SPAG17: variants seen among roughly 807,000 people sequenced by gnomAD.
SPAG17 encodes the protein sperm-associated antigen 17.
Under a neutral mutation model 273.6 loss-of-function variants are expected in SPAG17, and 169 were observed. That is an observed-to-expected ratio of 0.62 (90% CI 0.55 to 0.70). The LOEUF is 0.70. Among genes scored for constraint, SPAG17 ranks in the 30% least tolerant of loss-of-function variants. The pLI is 0.00. For synonymous variants in SPAG17, 825 were observed against 873.2 expected, an observed-to-expected ratio of 0.94 and a Z score of 0.97; for missense variants, 2,557 against 2,627.8, an observed-to-expected ratio of 0.97 and a Z score of 0.59.
chr1:118,077,014 C>G (rs1484263938), intron 15 of SPAG17, among the ~76,000 whole-genome samples: 1 of 152,106 alleles, frequency 6.6e-6, no homozygotes, highest in African/African-American at 2.4e-5. Flanking sequence ...AAAATAGTCT[C>G]AGATGGAAAT....
chr1:118,162,952 A>T (rs1190530321), intron 1 of SPAG17, among the ~76,000 whole-genome samples: 4 of 152,214 alleles, frequency 2.6e-5, no homozygotes, highest in Non-Finnish European at 5.9e-5. Flanking sequence ...ACTATATGTT[A>T]TTCATGAATA....
intron 3 of SPAG17, among the ~76,000 whole-genome samples, chr1:118,127,984 TG>T (rs1255682711): frequency 1.3e-5 from 2 of 152,068 alleles, no homozygotes; most frequent in African/African-American, 2.4e-5. Flanking sequence ...TAGCTGGGCA[TG>T]GTGGCGTATG....
chr1:117,969,429 A>G (rs1433335052), intron 46 of SPAG17, among the ~76,000 whole-genome samples: 1 of 152,136 alleles, frequency 6.6e-6, no homozygotes, highest in Non-Finnish European at 1.5e-5. Context: ...AAATACAAAA[A>G]TTAGCCGGAC....
At chr1:118,133,451 A>G (rs1658168877) in intron 3 of SPAG17, among the ~76,000 whole-genome samples, 1 of 152,152 alleles carries the variant, frequency 6.6e-6, no homozygotes, top group Admixed American at 6.5e-5. Flanking sequence ...GATTCTCCTG[A>G]AGATACTCCT....
intron 27 of SPAG17, 118 bp from the exon 28 acceptor site, chr1:118,023,581 T>G (rs1485369974): frequency 1.0e-6 from 1 of 957,942 alleles, no homozygotes; most frequent in East Asian, 2.7e-5. Context: ...AAATGCTGTT[T>G]GCAGACCTCC....
intron 42 of SPAG17, among the ~76,000 whole-genome samples, chr1:117,982,385 G>T (rs866591731): frequency 1.3e-5 from 2 of 151,916 alleles, no homozygotes; most frequent in Non-Finnish European, 2.9e-5. Flanking sequence ...GGGACTACAG[G>T]CACCCGCCAC....
rs779646249 is a variant in SPAG17 at position 117,994,435 on chromosome 1, T to G, written c.5149A>C (p.Arg1717=). The change falls in exon 35 of 49, where the codon AGG becomes CGG. Residue 1717 remains arginine, a synonymous_variant. Transcript: ENST00000336338. ...DTIVPPNLRS[R]SWETFPSVEK... ...ACTGAGGGAAATGTTTCCCATGACC[T>G]TGACCGGAGATTAGGAGGGACAATT... is the stretch of plus-strand genomic sequence containing the variant. 1.1e-5 allele frequency: 17 copies of G among 1,612,654 alleles called. No individual in the cohort carries two copies. Among genetic ancestry groups the G allele is most frequent in the South Asian group, 9.9e-5 (9 of 90,954 alleles).
At chr1:118,015,821 A>G (rs1659902409) in intron 29 of SPAG17, 144 bp downstream of exon 29, 4 of 740,184 alleles carry the variant, frequency 5.4e-6, no homozygotes, top group African/African-American at 3.5e-5. Context: ...AATGAATCCA[A>G]TCATCCATCC....
At chr1:117,957,258 A>T in intron 48 of SPAG17, 2 of 1,543,244 alleles carry the variant, frequency 1.3e-6, no homozygotes, top group Non-Finnish European at 1.7e-6. Flanking sequence ...TAGTACCTTA[A>T]CTGAAGCTGT....
intron 18 of SPAG17, among the ~76,000 whole-genome samples, chr1:118,056,532 C>T (rs915063329): frequency 3.3e-5 from 5 of 152,150 alleles, no homozygotes; most frequent in African/African-American, 9.7e-5. Flanking sequence ...CTTATACTGA[C>T]TAGTGTAATT....
intron 24 of SPAG17, among the ~76,000 whole-genome samples, chr1:118,036,246 G>A (rs773238764): frequency 2.0e-5 from 3 of 151,490 alleles, no homozygotes; most frequent in African/African-American, 7.3e-5. Flanking sequence ...AAGGAAGTGG[G>A]GTACAGAAAT....
intron 1 of SPAG17, among the ~76,000 whole-genome samples, chr1:118,158,601 A>T (rs764660633): frequency 5.3e-5 from 8 of 152,166 alleles, no homozygotes; most frequent in Middle Eastern, 3.2e-3. Context: ...TTTATTTTTG[A>T]TAGGGAGCCT....
At chr1:118,072,584 T>C (rs970342561) in intron 17 of SPAG17, among the ~76,000 whole-genome samples, 2 of 152,078 alleles carry the variant, frequency 1.3e-5, no homozygotes, top group African/African-American at 2.4e-5. Flanking sequence ...AATAAATACA[T>C]AGTAAACTAA....
intron 15 of SPAG17, 39 bp downstream of exon 15, chr1:118,081,058 TACAC>T (rs56768861): frequency 0.074 from 88,355 of 1,197,670 alleles, 1,441 homozygotes; most frequent in East Asian, 0.22. Context: ...AATAGTGTCT[TACAC>T]ACACACACAC....
At chr1:118,060,106 T>C (rs1652120686) in intron 18 of SPAG17, among the ~76,000 whole-genome samples, 1 of 152,156 alleles carries the variant, frequency 6.6e-6, no homozygotes, top group African/African-American at 2.4e-5. Flanking sequence ...TTTGTTTCTT[T>C]CCTACTCTTT....
At position 118,054,082 on chromosome 1, in the gene SPAG17, T is replaced by G. The variant is rs1256799940; in HGVS notation, c.2734A>C (p.Ile912Leu). Residue 912 changes from isoleucine (I) to leucine (L), a missense_variant, in exon 20 of 49, where the codon ATC becomes CTC. Transcript: ENST00000336338. ...TGATCTGATATCTCTGTTTTGCTGATTCCTTTGTTACCTATAATCAGATAA... is the reference window on the plus strand; with the variant it reads ...TGATCTGATATCTCTGTTTTGCTGAGTCCTTTGTTACCTATAATCAGATAA... ...SIKESKSNKG[I>L]SKTEISDQEK... 6.2e-7 allele frequency: 1 copy of G among 1,600,524 alleles called. No homozygotes were observed. The highest frequency in any genetic ancestry group is 8.5e-7 in the Non-Finnish European group (1 of 1,171,094).
chr1:118,072,827 C>T (rs1653734785), intron 17 of SPAG17, among the ~76,000 whole-genome samples: 1 of 151,770 alleles, frequency 6.6e-6, no homozygotes, highest in South Asian at 2.1e-4. Context: ...CCTGTACATG[C>T]ACATGTGTGT....
In SPAG17 at chr1:118,023,322, T is replaced by A. The variant is rs781302032; in HGVS notation, c.4051A>T (p.Ile1351Phe). Residue 1351 changes from isoleucine (I) to phenylalanine (F), a missense_variant, in exon 28 of 49, where the codon ATT becomes TTT. Coordinates refer to ENST00000336338, the MANE Select transcript of SPAG17 (RefSeq NM_206996.4). ...TTGTTACCTTTCTTTGTGTTGGTAA[T>A]CTCAGATGGTATCGTTTCTGATTTC... ...QQKSETIPSE[I>F]TNTKKGKSHK... The A allele has an allele frequency of 6.2e-7, 1 of 1,611,344 alleles. No individual in the cohort carries two copies. The highest frequency in any genetic ancestry group is 1.3e-5 in the African/African-American group (1 of 74,846).
At chr1:117,986,071 C>T (rs1179258918) in intron 40 of SPAG17, among the ~76,000 whole-genome samples, 2 of 152,198 alleles carry the variant, frequency 1.3e-5, no homozygotes, top group East Asian at 1.9e-4. Flanking sequence ...CAGCATCATA[C>T]GTTCTGTAAG....
Sources: gnomAD v4.1 joint callset for allele counts (sites outside exome capture counted in the v4.1 genomes callset) on GRCh38, gnomAD v4.1.1 for gene constraint, MANE v1.5 for transcripts, NCBI Gene and HGNC (gene_info 2026-07-23, HGNC 2026-07-21) for gene names.